Variants in NF2 observed in about 807,000 individuals in gnomAD.
The protein encoded by NF2 is NF2, moesin-ezrin-radixin like (MERLIN) tumor suppressor, also known as merlin.
A neutral mutation model predicts 83.7 loss-of-function variants in NF2; 8 were observed. The ratio of observed to expected loss-of-function variants is 0.10; its 90% CI spans 0.06 to 0.17. NF2 has a LOEUF of 0.17. NF2 is among the 10% of genes least tolerant of loss of function. NF2 has a pLI of 1.00. For missense variants in NF2, 533 were observed against 744.4 expected (o/e 0.72, Z 3.31); for synonymous variants, 266 against 269.6 (o/e 0.99, Z 0.13).
intron 13 of NF2, among the ~76,000 whole-genome samples, chr22:29,676,840 C>T (rs1015910373): frequency 3.3e-5 from 5 of 152,176 alleles, no homozygotes; most frequent in Non-Finnish European, 5.9e-5. Flanking sequence ...GCAACTAGTA[C>T]GCGTTTTTGC....
chr22:29,658,134 G>A (rs1475981079), intron 6 of NF2, 55 bp from the exon 7 acceptor site: 18 of 1,541,916 alleles, frequency 1.2e-5, no homozygotes, highest in Admixed American at 1.7e-5. Context: ...GTGCCCACCC[G>A]CTCTCCACCC....
intron 7 of NF2, 151 bp downstream of exon 7, chr22:29,658,415 G>C (rs1455868265): frequency 1.3e-6 from 1 of 769,596 alleles, no homozygotes; most frequent in Non-Finnish European, 2.3e-6. Context: ...AGAGGTCTTA[G>C]TGCCTAACTT....
chr22:29,687,695 A>G (rs2067302665), intron 15 of NF2, among the ~76,000 whole-genome samples: 1 of 152,186 alleles, frequency 6.6e-6, no homozygotes, highest in Non-Finnish European at 1.5e-5. Context: ...ATGGTAGAGC[A>G]TCTTGGCCTT....
At chr22:29,676,748 A>T (rs777008501) in intron 13 of NF2, among the ~76,000 whole-genome samples, 8 of 152,362 alleles carry the variant, frequency 5.3e-5, no homozygotes, top group Non-Finnish European at 1.0e-4. Context: ...ATAAATTCTT[A>T]TAATAGAACT....
At chr22:29,617,403 G>T (rs1463981834) in intron 1 of NF2, among the ~76,000 whole-genome samples, 1 of 152,166 alleles carries the variant, frequency 6.6e-6, no homozygotes, top group Non-Finnish European at 1.5e-5. Context: ...GTTGTGGGGA[G>T]CTGTCTTGTA....
chr22:29,681,598 A>G lies in NF2; in HGVS notation c.1734A>G (p.Lys578=), dbSNP rs2067138333. 1 of 1,614,000 alleles carries G rather than the reference A, an allele frequency of 6.2e-7. No homozygotes were observed. The highest frequency in any genetic ancestry group is 1.3e-5 in the African/African-American group (1 of 75,056). The change falls in exon 15 of 16, where the codon AAA becomes AAG. Residue 578 remains lysine (K), a synonymous_variant. Transcript: ENST00000338641. ...RGGSSKHNTI[K]KLTLQSAKSR... is the part of the protein sequence containing the mutation. ...GCAGCAGCAAGCACAATACCATTAA[A>G]AAGGTACCCAGGGTCTCTTTCTTGT...
At chr22:29,669,236 CTT>C (rs2066713281) in intron 10 of NF2, among the ~76,000 whole-genome samples, 1 of 152,216 alleles carries the variant, frequency 6.6e-6, no homozygotes, top group Admixed American at 6.5e-5. Context: ...CTCTCTATCT[CTT>C]TGCTTTCTGA....
At chr22:29,681,732 A>G (rs1165250095) in intron 15 of NF2, 131 bp downstream of exon 15, 2 of 1,112,632 alleles carry the variant, frequency 1.8e-6, no homozygotes, top group Non-Finnish European at 2.6e-6. Context: ...TAGTTGAGGA[A>G]ATTTTTTAAC....
chr22:29,607,509 G>A (rs967979811), intron 1 of NF2, among the ~76,000 whole-genome samples: 6 of 152,114 alleles, frequency 3.9e-5, no homozygotes, highest in African/African-American at 1.2e-4. Flanking sequence ...CCAGCCAGTC[G>A]CTAAACAAAT....
intron 4 of NF2, among the ~76,000 whole-genome samples, chr22:29,653,463 A>G (rs1242181805): frequency 3.4e-5 from 5 of 147,562 alleles, no homozygotes; most frequent in Non-Finnish European, 7.5e-5. Flanking sequence ...AAAAAAAAAA[A>G]TTGACAAATT....
At chr22:29,687,916 T>C (rs2067306884) in intron 15 of NF2, among the ~76,000 whole-genome samples, 2 of 152,228 alleles carry the variant, frequency 1.3e-5, no homozygotes, top group Non-Finnish European at 2.9e-5. Flanking sequence ...CTCCTGGCTC[T>C]GTGGAAGCCC....
chr22:29,657,147 T>G (rs1418510829), intron 6 of NF2, among the ~76,000 whole-genome samples: 1 of 152,062 alleles, frequency 6.6e-6, no homozygotes, highest in Non-Finnish European at 1.5e-5. Flanking sequence ...CTACCCCCAA[T>G]TCCCCTTTCT....
At chr22:29,617,550 C>T (rs1184237492) in intron 1 of NF2, among the ~76,000 whole-genome samples, 1 of 152,074 alleles carries the variant, frequency 6.6e-6, no homozygotes, top group African/African-American at 2.4e-5. Flanking sequence ...GGGAGGACAC[C>T]CTCCAATCTC....
Position 29,664,992 on chromosome 22 carries a change from T to C in NF2, c.813T>C (p.Phe271=). 1 of 1,608,382 alleles carries C rather than the reference T, an allele frequency of 6.2e-7. No homozygotes were observed. The highest frequency in any genetic ancestry group is 8.5e-7 in the Non-Finnish European group (1 of 1,174,852). ...IRNISYSDKE[F]TIKPLDKKID... ...TGTGTTCTGCTTCATTCTTCCAGTTTACTATTAAACCACTGGATAAGAAAA... is the reference window on the plus strand; with the variant it reads ...TGTGTTCTGCTTCATTCTTCCAGTTCACTATTAAACCACTGGATAAGAAAA... Residue 271 remains phenylalanine (F), a splice_region_variant and synonymous_variant, in exon 9 of 16, where the codon TTT becomes TTC. Transcript: ENST00000338641.
intron 1 of NF2, among the ~76,000 whole-genome samples, chr22:29,627,060 A>C (rs1777332804): frequency 1.3e-5 from 2 of 152,228 alleles, no homozygotes; most frequent in Non-Finnish European, 2.9e-5. Context: ...TGAATGAGGG[A>C]AAAGAATGTG....
Position 29,696,066 on chromosome 22 carries a change from CTT to C in NF2, c.*1286_*1287del, listed in dbSNP as rs886057354. ...GTCTGGGGCCACCTTCTTGCCCTTT[CTT>C]TTTTTTTTTTTTTTTTTTTTTCCGA... On this transcript the variant is annotated 3_prime_UTR_variant, in exon 16 of 16. Coordinates refer to ENST00000338641, the MANE Select transcript of NF2 (RefSeq NM_000268.4). 0.023 allele frequency: 3,467 copies of C among 151,648 alleles called. No individual in the cohort carries two copies. The highest frequency in any genetic ancestry group is 0.048 in the Middle Eastern group (21 of 440). The allele number at this position is 151,648 out of a possible 1,614,324, so 9.4% of individuals were successfully genotyped here.
At chr22:29,687,892 C>T (rs1043815467) in intron 15 of NF2, among the ~76,000 whole-genome samples, 1 of 152,206 alleles carries the variant, frequency 6.6e-6, no homozygotes, top group Non-Finnish European at 1.5e-5. Flanking sequence ...GCGATCTGAA[C>T]TCTTCCTCTC....
chr22:29,674,298 G>A (rs921237086), intron 12 of NF2, among the ~76,000 whole-genome samples: 6 of 152,168 alleles, frequency 3.9e-5, no homozygotes, highest in African/African-American at 2.4e-5. Context: ...CTCACATGCC[G>A]TGACCACCTG....
chr22:29,630,074 G>T (rs907448377), intron 1 of NF2, among the ~76,000 whole-genome samples: 27 of 152,146 alleles, frequency 1.8e-4, no homozygotes, highest in Non-Finnish European at 2.5e-4. Context: ...ATGTCCCAAA[G>T]AAAACAGTGG....
Sources: gnomAD v4.1 joint callset for allele counts (sites outside exome capture counted in the v4.1 genomes callset) on GRCh38, gnomAD v4.1.1 for gene constraint, MANE v1.5 for transcripts, NCBI Gene and HGNC (gene_info 2026-07-23, HGNC 2026-07-21) for gene names.